The following LEMD1 variants were observed in gnomAD, a reference collection of about 807,000 sequenced individuals.
LEMD1 encodes LEM domain-containing protein 1.
Under a neutral mutation model 17.4 loss-of-function variants are expected in LEMD1, and 18 were observed. That is an observed-to-expected ratio of 1.04 (90% CI 0.72 to 1.54). The LOEUF (loss-of-function observed/expected upper bound fraction) is 1.54, where lower values mean the gene tolerates loss of function less well. Among genes scored for constraint, LEMD1 ranks in the 40% most tolerant of loss-of-function variants. The pLI is 0.00. For synonymous variants in LEMD1, 88 were observed against 77.8 expected (o/e 1.13, Z -0.69); for missense variants, 195 against 210.4 (o/e 0.93, Z 0.45).
At chr1:205,444,963 A>G (rs1298890588) in intron 1 of LEMD1, among the ~76,000 whole-genome samples, 1 of 150,848 alleles carries the variant, frequency 6.6e-6, no homozygotes, top group Non-Finnish European at 1.5e-5. Context: ...ACGCCTCTAG[A>G]ACAAAGCTGA....
intron 1 of LEMD1, among the ~76,000 whole-genome samples, chr1:205,444,335 G>A (rs1273314700): frequency 3.9e-5 from 6 of 152,020 alleles, no homozygotes; most frequent in Non-Finnish European, 8.8e-5. Context: ...TCCCAGCTCA[G>A]GTCCAAGATG....
Position 205,448,300 on chromosome 1 carries a change from A to G in LEMD1, c.-39+1568T>C, listed in dbSNP as rs1413983885. On this transcript the variant is annotated intron_variant, in intron 1 of 3. Coordinates refer to the LEMD1 transcript ENST00000367154. The surrounding 1 kb of genome is among the most constrained non-coding windows in gnomAD (Gnocchi z 4.7). Reference sequence around the variant, plus strand: ...CATGGGAGGTGCAGCTGCGCAGGAGAAGGAGCTCGCCCCTCACTGTAGCCC... The same window carrying G: ...CATGGGAGGTGCAGCTGCGCAGGAGGAGGAGCTCGCCCCTCACTGTAGCCC... The G allele has an allele frequency of 1.9e-6, 1 of 528,858 alleles. No individual in the cohort carries two copies. Among genetic ancestry groups the G allele is most frequent in the Non-Finnish European group, 3.9e-6 (1 of 255,410 alleles). 32.8% of individuals were successfully genotyped at this position (528,858 alleles called of 1,614,324 possible).
chr1:205,424,993 G>A (rs578119815), upstream of LEMD1, among the ~76,000 whole-genome samples: 3 of 152,198 alleles, frequency 2.0e-5, no homozygotes, highest in Non-Finnish European at 4.4e-5. Context: ...GAAGACACAC[G>A]ATTCATGAAT....
At chr1:205,383,824 T>C (rs748395640) in intron 5 of LEMD1, among the ~76,000 whole-genome samples, 1 of 151,622 alleles carries the variant, frequency 6.6e-6, no homozygotes, top group African/African-American at 2.4e-5. Context: ...TTAGTAGAGA[T>C]GGGGTTTCAC....
At chr1:205,391,756 T>C (rs1238744365) in intron 4 of LEMD1, among the ~76,000 whole-genome samples, 2 of 152,108 alleles carry the variant, frequency 1.3e-5, no homozygotes, top group Non-Finnish European at 2.9e-5. Context: ...AAAGAGGCAG[T>C]GCCCCTCTTT....
chr1:205,422,603 G>A (rs940127122), upstream of LEMD1, among the ~76,000 whole-genome samples: 4 of 150,360 alleles, frequency 2.7e-5, no homozygotes, highest in Admixed American at 2.7e-4. Flanking sequence ...AGCTGAGACA[G>A]ATATTATCAT....
intron 1 of LEMD1, chr1:205,436,945 C>T (rs1666219357): frequency 6.6e-6 from 1 of 152,416 alleles, no homozygotes; most frequent in African/African-American, 2.4e-5. Flanking sequence ...GGAAATGGGA[C>T]TCATCGCCAC....
At chr1:205,424,337 C>T (rs1057199761), upstream of LEMD1, among the ~76,000 whole-genome samples, 2 of 152,208 alleles carry the variant, frequency 1.3e-5, no homozygotes, top group East Asian at 1.9e-4. Flanking sequence ...TACTGCTGAC[C>T]GGAGGGAAAA....
chr1:205,406,934 G>A (rs1453292338), intron 4 of LEMD1, among the ~76,000 whole-genome samples: 2 of 152,188 alleles, frequency 1.3e-5, no homozygotes, highest in African/African-American at 4.8e-5. Context: ...GGAGCTACAA[G>A]AGTTATCTTT....
intron 1 of LEMD1, among the ~76,000 whole-genome samples, chr1:205,421,036 G>A (rs559694104): frequency 6.6e-6 from 1 of 151,374 alleles, no homozygotes; most frequent in South Asian, 2.1e-4. Flanking sequence ...AGAGCATTCA[G>A]TTATTGCAAA....
intron 5 of LEMD1, 27 bp from the exon 6 acceptor site, chr1:205,381,883 A>G: frequency 6.2e-7 from 1 of 1,612,210 alleles, no homozygotes; most frequent in Non-Finnish European, 8.5e-7. Flanking sequence ...GGCTCTTAGG[A>G]TTGTGGACAG....
chr1:205,416,555 C>T (rs948376074), intron 3 of LEMD1, among the ~76,000 whole-genome samples: 1 of 152,106 alleles, frequency 6.6e-6, no homozygotes, highest in African/African-American at 2.4e-5. Flanking sequence ...AGCTGGCTGC[C>T]CATCTGGGCA....
chr1:205,396,077 A>G (rs988180390), intron 4 of LEMD1, among the ~76,000 whole-genome samples: 1 of 152,198 alleles, frequency 6.6e-6, no homozygotes, highest in African/African-American at 2.4e-5. Flanking sequence ...GCAGGATCAA[A>G]GCTCATTGTA....
intron 3 of LEMD1, among the ~76,000 whole-genome samples, chr1:205,416,583 C>G (rs1665707734): frequency 1.3e-5 from 2 of 152,164 alleles, no homozygotes; most frequent in South Asian, 4.1e-4. Context: ...GCAGTCTAGT[C>G]ATTGTCCCTT....
chr1:205,383,149 C>A (rs763409056), intron 5 of LEMD1, among the ~76,000 whole-genome samples: 1 of 152,116 alleles, frequency 6.6e-6, no homozygotes, highest in Admixed American at 6.6e-5. Flanking sequence ...AATGCAGTGG[C>A]GTGATCATAG....
At chr1:205,427,158 T>A (rs1461231434) in intron 1 of LEMD1, among the ~76,000 whole-genome samples, 3 of 152,112 alleles carry the variant, frequency 2.0e-5, no homozygotes, top group Admixed American at 2.0e-4. Flanking sequence ...ATCTGTGAAA[T>A]GGAAATGTAG....
upstream of LEMD1, among the ~76,000 whole-genome samples, chr1:205,422,970 A>G (rs575221914): frequency 6.6e-6 from 1 of 152,366 alleles, no homozygotes; most frequent in East Asian, 1.9e-4. Flanking sequence ...ATGTTATTCA[A>G]TGAGTTATAA....
At chr1:205,440,436 C>T (rs935173696) in intron 1 of LEMD1, among the ~76,000 whole-genome samples, 3 of 152,170 alleles carry the variant, frequency 2.0e-5, no homozygotes, top group Non-Finnish European at 4.4e-5. Flanking sequence ...GTCCTGGAAT[C>T]CCAGGAGAGT....
intron 4 of LEMD1, among the ~76,000 whole-genome samples, chr1:205,399,105 C>T (rs1487591877): frequency 6.6e-6 from 1 of 151,856 alleles, no homozygotes; most frequent in African/African-American, 2.4e-5. Flanking sequence ...GTTCCAGCTA[C>T]TCGGGAGGTT....
Sources: gnomAD v4.1 joint callset for allele counts (sites outside exome capture counted in the v4.1 genomes callset) on GRCh38, gnomAD v4.1.1 for gene constraint, Gnocchi (gnomAD v3.1) non-coding constraint, MANE v1.5 for transcripts, NCBI Gene and HGNC (gene_info 2026-07-23, HGNC 2026-07-21) for gene names.